TATDN1: variants seen among roughly 807,000 people sequenced by gnomAD.
TATDN1 encodes the protein deoxyribonuclease TATDN1.
TATDN1 carries 40 observed loss-of-function variants against 46.4 expected under a neutral mutation model. The ratio of observed to expected loss-of-function variants is 0.86; its 90% CI spans 0.67 to 1.12. The LOEUF is 1.12. Among genes scored for constraint, TATDN1 ranks in the 50% most tolerant of loss-of-function variants. TATDN1 has a pLI of 0.00. For synonymous variants in TATDN1, 95 were observed against 105.6 expected, an observed-to-expected ratio of 0.90 and a Z score of 0.62; for missense variants, 326 against 348.4, an observed-to-expected ratio of 0.94 and a Z score of 0.51.
At chr8:124,518,648 C>A in intron 4 of TATDN1, 170 bp downstream of exon 4, 2 of 590,462 alleles carry the variant, frequency 3.4e-6, no homozygotes, top group South Asian at 2.1e-5. Context: ...ATCTGATATA[C>A]CAATGAGTAC....
At chr8:124,517,531 A>G (rs1387300082) in intron 4 of TATDN1, among the ~76,000 whole-genome samples, 1 of 152,204 alleles carries the variant, frequency 6.6e-6, no homozygotes, top group East Asian at 1.9e-4. Flanking sequence ...TTCATACATA[A>G]AGGAAACACA....
intron 9 of TATDN1, among the ~76,000 whole-genome samples, chr8:124,495,854 T>C (rs537968704): frequency 6.6e-6 from 1 of 152,236 alleles, no homozygotes; most frequent in Non-Finnish European, 1.5e-5. Flanking sequence ...TTGCGTAACT[T>C]AGAGGTGCTT....
chr8:124,502,503 A>T (rs185888210), intron 9 of TATDN1, among the ~76,000 whole-genome samples: 223 of 152,336 alleles, frequency 1.5e-3, no homozygotes, highest in African/African-American at 5.1e-3. Flanking sequence ...GGGAAACCTT[A>T]TTAAATAGAA....
chr8:124,516,650 G>A (rs1819499762), intron 4 of TATDN1, among the ~76,000 whole-genome samples: 1 of 150,066 alleles, frequency 6.7e-6, no homozygotes, highest in Non-Finnish European at 1.5e-5. Flanking sequence ...TGACTATCTT[G>A]ATTGGTATAT....
At chr8:124,506,422 A>C (rs1009503377) in intron 8 of TATDN1, among the ~76,000 whole-genome samples, 2 of 152,138 alleles carry the variant, frequency 1.3e-5, no homozygotes, top group Admixed American at 6.6e-5. Context: ...GGTTAGGATA[A>C]ATACCACTAA....
chr8:124,500,972 A>G (rs766598552), intron 9 of TATDN1, among the ~76,000 whole-genome samples: 12 of 152,190 alleles, frequency 7.9e-5, no homozygotes. Flanking sequence ...AAAGTGGAGT[A>G]AGGCAGGGAC....
rs569456613 is a variant in TATDN1 at position 124,491,852 on chromosome 8, G to A, written c.791+1981C>T. ...CAATTAACTTGCCAACTCATAATTA[G>A]CAGTAGATTAGAGGATTGTGTATTT... On this transcript the variant is annotated intron_variant, in intron 11 of 11. Transcript: ENST00000276692. 4.6e-5 allele frequency among the ~76,000 whole-genome samples: 7 copies of A among 152,296 alleles called. No homozygotes were observed. In the South Asian group the frequency reaches 1.4e-3, roughly 32 times the overall value.
chr8:124,528,785 TG>T (rs1268164136), intron 1 of TATDN1, among the ~76,000 whole-genome samples: 2 of 152,242 alleles, frequency 1.3e-5, no homozygotes, highest in Non-Finnish European at 2.9e-5. Context: ...TCTAATGTGC[TG>T]TGGAGACTCT....
chr8:124,513,903 T>C (rs764434227), intron 6 of TATDN1, among the ~76,000 whole-genome samples: 1 of 152,218 alleles, frequency 6.6e-6, no homozygotes, highest in Non-Finnish European at 1.5e-5. Flanking sequence ...TCTATTTCAA[T>C]GTGAACACGA....
chr8:124,529,016 A>G (rs181923089), intron 1 of TATDN1, among the ~76,000 whole-genome samples: 1 of 152,330 alleles, frequency 6.6e-6, no homozygotes, highest in African/African-American at 2.4e-5. Context: ...GCAAACCTAG[A>G]TAACGGACAC....
chr8:124,508,323 G>A (rs1356263188), intron 8 of TATDN1, 151 bp downstream of exon 8: 4 of 631,684 alleles, frequency 6.3e-6, no homozygotes, highest in Admixed American at 3.4e-5. Context: ...CAAAATTTGT[G>A]TACAATGAAT....
At chr8:124,535,529 T>C (rs1190950653) in intron 1 of TATDN1, among the ~76,000 whole-genome samples, 2 of 152,148 alleles carry the variant, frequency 1.3e-5, no homozygotes, top group Non-Finnish European at 2.9e-5. Context: ...TTGGTACTAG[T>C]TAAGATGAAC....
intron 10 of TATDN1, chr8:124,495,221 C>T (rs1817362530): frequency 2.1e-6 from 1 of 486,142 alleles, no homozygotes; most frequent in Non-Finnish European, 3.6e-6. Context: ...ACTACAACCT[C>T]CTGAGTTATA....
chr8:124,493,997 A>G (rs778914791), intron 10 of TATDN1, 38 bp from the exon 11 acceptor site: 1 of 1,536,384 alleles, frequency 6.5e-7, no homozygotes, highest in Admixed American at 2.3e-5. Flanking sequence ...AGGGGTTTAC[A>G]TTTTTAAAAA....
chr8:124,531,846 G>A (rs1820987942), intron 1 of TATDN1, among the ~76,000 whole-genome samples: 1 of 152,162 alleles, frequency 6.6e-6, no homozygotes, highest in Admixed American at 6.5e-5. Flanking sequence ...CTACCCCACT[G>A]AATCATTTTG....
intron 1 of TATDN1, among the ~76,000 whole-genome samples, chr8:124,532,802 TCA>T (rs1159951575): frequency 3.3e-5 from 5 of 152,096 alleles, no homozygotes; most frequent in Non-Finnish European, 7.4e-5. Flanking sequence ...ATGATTCCCA[TCA>T]CAGAGACCAC....
intron 1 of TATDN1, among the ~76,000 whole-genome samples, chr8:124,524,414 A>G (rs72713094): frequency 0.072 from 11,000 of 152,242 alleles, 629 homozygotes; most frequent in South Asian, 0.29. Context: ...AAGAATTACT[A>G]TCTAGTTTCT....
In TATDN1 at chr8:124,512,098, AT is replaced by A. The variant is rs1160658029; in HGVS notation, c.390-3411del. Among the ~76,000 whole-genome samples, 6 of 152,020 alleles carry A rather than the reference AT, an allele frequency of 3.9e-5. No homozygotes were observed. The East Asian group carries it at 1.2e-3, about 29-fold the overall frequency. On this transcript the variant is annotated intron_variant, in intron 6 of 11. Transcript: ENST00000276692. ...ATTTTCTATTTTTCTTTTCTCATAC[AT>A]CTCCTTTTTCCTGACTACATATTTA... is the stretch of plus-strand genomic sequence containing the variant.
At chr8:124,495,135 A>G (rs1448038356) in intron 10 of TATDN1, 2 of 307,768 alleles carry the variant, frequency 6.5e-6, no homozygotes, top group Non-Finnish European at 1.2e-5. Flanking sequence ...CTGTGTAAAC[A>G]AAATTCTGAA....
Sources: gnomAD v4.1 joint callset for allele counts (sites outside exome capture counted in the v4.1 genomes callset) on GRCh38, gnomAD v4.1.1 for gene constraint, MANE v1.5 for transcripts, NCBI Gene and HGNC (gene_info 2026-07-23, HGNC 2026-07-21) for gene names.